Variants in FZD6 observed in about 807,000 individuals in gnomAD.
FZD6 encodes the protein frizzled class receptor 6.
Under a neutral mutation model 61.4 loss-of-function variants are expected in FZD6, and 49 were observed. That is an observed-to-expected ratio of 0.80 (90% confidence interval 0.63 to 1.01). The LOEUF is 1.01. Ranked by LOEUF, FZD6 falls within the 50% of genes least tolerant of loss-of-function variation. The probability of loss-of-function intolerance (pLI) is 0.00; values close to 1 mark genes in which losing one functional copy is unlikely to be tolerated. For missense variants in FZD6, 724 were observed against 848.2 expected, an observed-to-expected ratio of 0.85 and a Z score of 1.82; for synonymous variants, 265 against 292.2, an observed-to-expected ratio of 0.91 and a Z score of 0.95.
rs1371244150 is a variant in FZD6, at chr8:103,325,418, G to A, written c.1312G>A (p.Glu438Lys). The A allele has an allele frequency of 1.9e-6, 3 of 1,613,406 alleles. No individual in the cohort carries two copies. The highest frequency in any genetic ancestry group is 2.5e-6 in the Non-Finnish European group (3 of 1,179,470). ...LVTLLGCYVY[E>K]QVNRITWEIT... ...GACACTTCTCGGATGTTACGTCTAT[G>A]AGCAAGTGAACAGGATTACCTGGGA... Residue 438 changes from glutamate to lysine, a missense_variant, in exon 4 of 7, where the codon GAG becomes AAG. Physicochemically the swap from Glu to Lys is moderately conservative, Grantham distance 56. Coordinates refer to ENST00000358755, the MANE Select transcript of FZD6 (RefSeq NM_003506.4).
intron 2 of FZD6, among the ~76,000 whole-genome samples, chr8:103,307,287 C>T (rs1180402502): frequency 3.8e-5 from 5 of 132,428 alleles, no homozygotes; most frequent in Non-Finnish European, 8.5e-5. Context: ...TATTATGGTT[C>T]CTTTCATTAT....
In FZD6 at chr8:103,332,377, C is replaced by T. The variant is rs1815166563; in HGVS notation, c.*868C>T. On this transcript the variant is annotated 3_prime_UTR_variant, in exon 7 of 7. Coordinates refer to ENST00000358755, the MANE Select transcript of FZD6 (RefSeq NM_003506.4). The stretch of plus-strand genomic sequence containing the variant: ...CCACCCATTGATTGTATTATAACCA[C>T]TTACAGTTGCTTATATTTTTTGTTT... The T allele has an allele frequency of 6.6e-6, 1 of 152,138 alleles. No individual in the cohort carries two copies. The highest frequency in any genetic ancestry group is 6.5e-5 in the Admixed American group (1 of 15,276). 9.4% of individuals were successfully genotyped at this position (152,138 alleles called of 1,614,324 possible).
In FZD6 at chr8:103,313,760, C is replaced by CTGTGTGTGTGTGTGTG. The variant is rs58157848; in HGVS notation, c.178-4802_178-4787dup. On this transcript the variant is annotated intron_variant, in intron 2 of 6. Transcript: ENST00000358755. ...GGATCTGACCTGAGACTTGATTTTTCTGTGTGTGTGTGTGTGTGTGTGTGT... is the reference window on the plus strand; with the variant it reads ...GGATCTGACCTGAGACTTGATTTTTCTGTGTGTGTGTGTGTGTGTGTGTGTGTGTGTGTGTGTGTGT... Among the ~76,000 whole-genome samples the CTGTGTGTGTGTGTGTG allele has an allele frequency of 7.6e-4, 109 of 142,842 alleles. No individual in the cohort carries two copies. The East Asian group carries it at 0.015, about 20-fold the overall frequency. 93.7% of individuals were successfully genotyped at this position (142,842 alleles called of 152,430 possible). A position where few individuals can be genotyped will look rare whatever the true frequency, so the allele number is the denominator to read the frequency against.
intron 3 of FZD6, among the ~76,000 whole-genome samples, chr8:103,323,642 T>G (rs827553): frequency 0.93 from 141,898 of 152,158 alleles, 66,219 homozygotes; most frequent in East Asian, 1. Context: ...TGTTGGCCAG[T>G]CTGGTCTTGA....
chr8:103,299,885 ACT>A (rs1814101257), intron 1 of FZD6, 69 bp from the exon 2 acceptor site: 2 of 503,972 alleles, frequency 4.0e-6, no homozygotes, highest in East Asian at 7.4e-5. Context: ...GAAAATCTTA[ACT>A]CTGCACTTTG....
At chr8:103,327,724 TG>T (rs1375077299) in intron 4 of FZD6, among the ~76,000 whole-genome samples, 1 of 152,186 alleles carries the variant, frequency 6.6e-6, no homozygotes, top group Non-Finnish European at 1.5e-5. Flanking sequence ...TCGTGACCCT[TG>T]TGCAATGTTT....
chr8:103,315,484 G>T (rs1472481915), intron 2 of FZD6, among the ~76,000 whole-genome samples: 1 of 152,160 alleles, frequency 6.6e-6, no homozygotes, highest in Non-Finnish European at 1.5e-5. Flanking sequence ...AAACAATGAT[G>T]CTAAGTGAAA....
chr8:103,328,296 CTTTA>C lies in FZD6; in HGVS notation c.1427_1430del (p.Phe476Ter), dbSNP rs1248658214. ...AAAGCAAAAGCTCGACCAGAATTGG[CTTTA>C]TTTATGATAAAATACCTGATGACAT... On this transcript the variant is annotated frameshift_variant, in exon 5 of 7. Transcript: ENST00000358755. LOFTEE classifies it high-confidence loss of function. The C allele has an allele frequency of 6.2e-7, 1 of 1,611,952 alleles. No individual in the cohort carries two copies. The highest frequency in any genetic ancestry group is 8.5e-7 in the Non-Finnish European group (1 of 1,178,256).
rs765077597 is a variant in FZD6 at position 103,324,756 on chromosome 8, T to G, written c.650T>G (p.Phe217Cys). ...TGTCTTTGTGCAACTCTGTTCACATTCCTTACTTTTTTAATTGATGTTAGA... is the reference window on the plus strand; with the variant it reads ...TGTCTTTGTGCAACTCTGTTCACATGCCTTACTTTTTTAATTGATGTTAGA... ...IFCLCATLFT[F>C]LTFLIDVRRF... The change falls in exon 4 of 7, where the codon TTC becomes TGC. Residue 217 changes from phenylalanine to cysteine, a missense_variant. By Grantham distance (205) the Phe-to-Cys change is radical. Transcript: ENST00000358755. 6 of 1,613,926 alleles carry G rather than the reference T, an allele frequency of 3.7e-6. No individual in the cohort carries two copies. The Admixed American group carries it at 8.3e-5, about 22-fold the overall frequency.
intron 2 of FZD6, among the ~76,000 whole-genome samples, chr8:103,304,441 A>G (rs1018389736): frequency 2.6e-5 from 4 of 152,220 alleles, no homozygotes; most frequent in Non-Finnish European, 5.9e-5. Flanking sequence ...CTGAAGATGG[A>G]GCGCAGCTGT....
rs749463825 is a variant in FZD6 at position 103,324,955 on chromosome 8, C to T, written c.849C>T (p.Thr283=). ...VVLGSQNKAC[T]VLFMLLYFFT... is the part of the protein sequence containing the mutation. ...TAGGCTCTCAAAATAAGGCTTGCAC[C>T]GTTTTGTTCATGCTTTTGTATTTTT... The change falls in exon 4 of 7, where the codon ACC becomes ACT. Residue 283 remains threonine, a synonymous_variant. Coordinates refer to ENST00000358755, the MANE Select transcript of FZD6 (RefSeq NM_003506.4). 3.1e-5 allele frequency: 50 copies of T among 1,613,942 alleles called. No individual in the cohort carries two copies. Among genetic ancestry groups the T allele is most frequent in the Non-Finnish European group, 3.8e-5 (45 of 1,179,972 alleles).
At chr8:103,312,053 C>T (rs1029926558) in intron 2 of FZD6, among the ~76,000 whole-genome samples, 1 of 152,074 alleles carries the variant, frequency 6.6e-6, no homozygotes, top group Non-Finnish European at 1.5e-5. Context: ...TATTTTGATT[C>T]TCATTTTTCA....
Position 103,325,067 on chromosome 8 carries a change from G to A in FZD6, c.961G>A (p.Glu321Lys), listed in dbSNP as rs536022156. The A allele has an allele frequency of 2.5e-6, 4 of 1,614,118 alleles. No homozygotes were observed. The highest frequency in any genetic ancestry group is 1.6e-4 in the Middle Eastern group (1 of 6,062). Reference sequence around the variant, plus strand: ...AAGAAAATGGAGTTGTGAAGCCATCGAGCAAAAAGCAGTGTGGTTTCATGC... The same window carrying A: ...AAGAAAATGGAGTTGTGAAGCCATCAAGCAAAAAGCAGTGTGGTTTCATGC... ...AGRKWSCEAIEQKAVWFHAVA... is the reference protein window; with the variant it reads ...AGRKWSCEAIKQKAVWFHAVA... The change falls in exon 4 of 7, where the codon GAG (glutamate) becomes AAG (lysine). Residue 321 changes from glutamate (E) to lysine (K), a missense_variant. Physicochemically the swap from Glu to Lys is moderately conservative, Grantham distance 56. Coordinates refer to ENST00000358755, the MANE Select transcript of FZD6 (RefSeq NM_003506.4).
At chr8:103,323,623 G>A (rs1369840386) in intron 3 of FZD6, among the ~76,000 whole-genome samples, 2 of 152,020 alleles carry the variant, frequency 1.3e-5, no homozygotes, top group Non-Finnish European at 2.9e-5. Flanking sequence ...TAGAGATGGG[G>A]TTTCGCCATG....
At chr8:103,309,771 T>A (rs3116468) in intron 2 of FZD6, among the ~76,000 whole-genome samples, 17,647 of 152,210 alleles carry the variant, frequency 0.12, 1,252 homozygotes, top group East Asian at 0.2. Context: ...CCAGTCTCTC[T>A]GAAGCTAGCA....
intron 5 of FZD6, 28 bp from the exon 6 acceptor site, chr8:103,329,627 T>TA (rs1416818215): frequency 6.5e-7 from 1 of 1,545,000 alleles, no homozygotes; most frequent in Non-Finnish European, 8.9e-7. Flanking sequence ...CTAATTTGAG[T>TA]AAATCCTCTC....
At chr8:103,307,733 A>C in intron 2 of FZD6, 1 of 444,508 alleles carries the variant, frequency 2.2e-6, no homozygotes, top group Non-Finnish European at 4.5e-6. Context: ...TTTTTTTTTC[A>C]TGTCCTTTCC....
chr8:103,311,319 C>T (rs2130290540), intron 2 of FZD6, among the ~76,000 whole-genome samples: 1 of 152,290 alleles, frequency 6.6e-6, no homozygotes, highest in Admixed American at 6.5e-5. Context: ...GATGGCCAAG[C>T]TTAGATTAGG....
At chr8:103,298,701 G>C (rs1340410892), upstream of FZD6, 5 of 151,490 alleles carry the variant, frequency 3.3e-5, no homozygotes, top group Admixed American at 3.3e-4. Context: ...CGTTCACCGG[G>C]GCCGGGTCCT....
Sources: gnomAD v4.1 joint callset for allele counts (sites outside exome capture counted in the v4.1 genomes callset) on GRCh38, gnomAD v4.1.1 for gene constraint, MANE v1.5 for transcripts, NCBI Gene and HGNC (gene_info 2026-07-23, HGNC 2026-07-21) for gene names.